NRXN1: variants seen among roughly 807,000 people sequenced by gnomAD.
NRXN1 encodes the protein neurexin 1.
Under a neutral mutation model 150.9 loss-of-function variants are expected in NRXN1, and 39 were observed. That is an observed-to-expected ratio of 0.26 (90% CI 0.20 to 0.34). The LOEUF (loss-of-function observed/expected upper bound fraction) is 0.34. Among genes scored for constraint, NRXN1 ranks in the 10% least tolerant of loss-of-function variants. NRXN1 has a pLI of 1.00. For synonymous variants in NRXN1, 924 were observed against 757.0 expected (o/e 1.22, Z -3.62); for missense variants, 1,815 against 1,949.9 (o/e 0.93, Z 1.30).
intron 17 of NRXN1, among the ~76,000 whole-genome samples, chr2:50,302,479 A>C (rs2152955636): frequency 6.6e-6 from 1 of 152,302 alleles, no homozygotes; most frequent in South Asian, 2.1e-4. Flanking sequence ...AGTCCACCAT[A>C]CCAAAAGTCA....
intron 18 of NRXN1, among the ~76,000 whole-genome samples, chr2:50,154,734 C>A (rs530132553): frequency 1.4e-3 from 206 of 151,622 alleles, no homozygotes; most frequent in Non-Finnish European, 2.1e-3. Context: ...ATATAATTTG[C>A]CTGGATGTTT....
intron 17 of NRXN1, among the ~76,000 whole-genome samples, chr2:50,435,943 C>T (rs2085380641): frequency 6.6e-6 from 1 of 151,972 alleles, no homozygotes; most frequent in African/African-American, 2.4e-5. Flanking sequence ...ACATGTACCC[C>T]TAAACTAAAA....
chr2:50,648,248 A>G (rs376219523), intron 5 of NRXN1, among the ~76,000 whole-genome samples: 1 of 152,026 alleles, frequency 6.6e-6, no homozygotes, highest in East Asian at 1.9e-4. Context: ...ATAACACTGT[A>G]TTTTTTAACA....
chr2:50,300,988 G>A (rs528456161), intron 17 of NRXN1, among the ~76,000 whole-genome samples: 18 of 152,108 alleles, frequency 1.2e-4, no homozygotes, highest in Admixed American at 7.9e-4. Flanking sequence ...GAGCCACCAC[G>A]ATCAGCTGAG....
intron 22 of NRXN1, chr2:49,926,318 T>A: frequency 2.5e-6 from 1 of 398,474 alleles, no homozygotes; most frequent in Non-Finnish European, 4.4e-6. Flanking sequence ...TAGTTTTTAA[T>A]CCTTCCTCTC....
chr2:49,996,355 G>A (rs1159663702), intron 21 of NRXN1, among the ~76,000 whole-genome samples: 1 of 152,138 alleles, frequency 6.6e-6, no homozygotes, highest in African/African-American at 2.4e-5. Context: ...AAGATAGCAT[G>A]GTGTACCCAC....
At chr2:50,878,444 C>A (rs1186675620) in intron 5 of NRXN1, among the ~76,000 whole-genome samples, 2 of 151,944 alleles carry the variant, frequency 1.3e-5, no homozygotes, top group African/African-American at 4.8e-5. Flanking sequence ...TCCACCTACA[C>A]CCTACAGCTC....
chr2:50,662,255 C>T (rs1216706617), intron 5 of NRXN1, among the ~76,000 whole-genome samples: 2 of 151,946 alleles, frequency 1.3e-5, no homozygotes, highest in Non-Finnish European at 2.9e-5. Context: ...TAGATCTTTG[C>T]ACAGGGAGTT....
intron 5 of NRXN1, among the ~76,000 whole-genome samples, chr2:50,897,296 C>T (rs995812798): frequency 3.3e-5 from 5 of 152,116 alleles, no homozygotes; most frequent in Non-Finnish European, 7.3e-5. Flanking sequence ...ATAGAGAAAC[C>T]GCTCAATAAA....
At chr2:50,527,813 G>C (rs2092996302) in intron 12 of NRXN1, among the ~76,000 whole-genome samples, 1 of 152,254 alleles carries the variant, frequency 6.6e-6, no homozygotes, top group Middle Eastern at 3.4e-3. Flanking sequence ...TGAGAGATTA[G>C]AAATTTGTTA....
At chr2:50,125,719 A>T (rs1704487727) in intron 18 of NRXN1, among the ~76,000 whole-genome samples, 1 of 152,096 alleles carries the variant, frequency 6.6e-6, no homozygotes, top group Admixed American at 6.6e-5. Context: ...TGTAGATGGG[A>T]TAGAGATTAG....
intron 5 of NRXN1, among the ~76,000 whole-genome samples, chr2:50,791,577 G>A (rs1706054635): frequency 6.6e-6 from 1 of 152,042 alleles, no homozygotes; most frequent in South Asian, 2.1e-4. Context: ...TTTGCCAAAT[G>A]CACACTGGAG....
chr2:49,976,570 G>A (rs1020480428), intron 21 of NRXN1, among the ~76,000 whole-genome samples: 1 of 152,158 alleles, frequency 6.6e-6, no homozygotes, highest in Non-Finnish European at 1.5e-5. Flanking sequence ...GGAAAATCTT[G>A]AGGGAAAGGA....
At chr2:50,923,587 A>C (rs1422593912) in intron 3 of NRXN1, 1 of 166,312 alleles carries the variant, frequency 6.0e-6, no homozygotes, top group Non-Finnish European at 1.3e-5. Context: ...TTTGCTATTC[A>C]AGAAGTTACT....
intron 2 of NRXN1, among the ~76,000 whole-genome samples, chr2:51,020,731 G>T (rs970005415): frequency 2.6e-5 from 4 of 151,912 alleles, no homozygotes; most frequent in Non-Finnish European, 1.5e-5. Context: ...CATTGATGGT[G>T]TTATTTTACT....
At chr2:50,800,491 T>C (rs1707436775) in intron 5 of NRXN1, among the ~76,000 whole-genome samples, 2 of 152,192 alleles carry the variant, frequency 1.3e-5, no homozygotes, top group South Asian at 4.1e-4. Flanking sequence ...AGTCAATGAG[T>C]TGCTACTGCC....
intron 5 of NRXN1, among the ~76,000 whole-genome samples, chr2:50,643,576 C>T (rs1684365540): frequency 6.6e-6 from 1 of 151,814 alleles, no homozygotes; most frequent in Admixed American, 6.6e-5. Context: ...TAGTGTTTAT[C>T]CATATGAACG....
chr2:50,373,665 A>G (rs71411505), intron 17 of NRXN1, among the ~76,000 whole-genome samples: 11,567 of 103,054 alleles, frequency 0.11, 772 homozygotes, highest in East Asian at 0.24. Flanking sequence ...AAAGAAAGAA[A>G]GAAAGAAAGA....
chr2:50,492,598 C>T (rs1984957), intron 15 of NRXN1, among the ~76,000 whole-genome samples: 131,724 of 152,152 alleles, frequency 0.87, 57,351 homozygotes, highest in African/African-American at 0.94. Flanking sequence ...CCCTTGCAAA[C>T]GGAGCAGGTT....
Sources: allele counts gnomAD v4.1 joint callset (sites outside exome capture counted in the v4.1 genomes callset), GRCh38; gene constraint gnomAD v4.1.1; transcripts MANE v1.5; gene names NCBI Gene and HGNC (gene_info 2026-07-23, HGNC 2026-07-21).